The following ACOT2 variants were observed in gnomAD, a reference collection of about 807,000 sequenced individuals.
ACOT2 encodes the protein acyl-CoA thioesterase 2.
In ACOT2, 15 loss-of-function variants were observed where a neutral mutation model predicts 20.1. That is an observed-to-expected ratio of 0.75 (90% CI 0.50 to 1.15). The LOEUF (loss-of-function observed/expected upper bound fraction) is 1.15, where lower values mean the gene tolerates loss of function less well. Among genes scored for constraint, ACOT2 ranks in the 50% most tolerant of loss-of-function variants. ACOT2 has a pLI of 0.00. For missense variants in ACOT2, 479 were observed against 615.3 expected (o/e 0.78, Z 2.34); for synonymous variants, 252 against 268.4 (o/e 0.94, Z 0.60).
At chr14:73,568,208 T>C (rs1889638810), upstream of ACOT2, 1 of 152,054 alleles carries the variant, frequency 6.6e-6, no homozygotes, top group East Asian at 1.9e-4. Context: ...AAGGCTTACC[T>C]TGAGGACAGC....
rs1889775469 is a variant in ACOT2 at position 73,572,487 on chromosome 14, G to C, written c.644-901G>C. Among the ~76,000 whole-genome samples the C allele has an allele frequency of 2.0e-5, 3 of 151,718 alleles. No individual in the cohort carries two copies. The South Asian group carries it at 6.3e-4, about 32-fold the overall frequency. ...TAAAATATTAAGGTACATAATCTAA[G>C]TGGTAATACTATGAAGAAAACCAAG... On this transcript the variant is annotated intron_variant, in intron 1 of 2. Coordinates refer to ENST00000238651, the MANE Select transcript of ACOT2 (RefSeq NM_006821.6).
At chr14:73,570,676 C>T (rs946965891) in intron 1 of ACOT2, among the ~76,000 whole-genome samples, 4 of 151,868 alleles carry the variant, frequency 2.6e-5, no homozygotes, top group East Asian at 3.9e-4. Context: ...AGGCCGAGGC[C>T]GGCGGATCAC....
Position 73,570,523 on chromosome 14 carries a change from C to T in ACOT2, c.643+640C>T, listed in dbSNP as rs1356464770. ...GGCAGAGTTTGTAGTGAGCTGAGAT[C>T]GCGCCACTGCACTCCAGCCTGGGCG... On this transcript the variant is annotated intron_variant, in intron 1 of 2. Coordinates refer to ENST00000238651, the MANE Select transcript of ACOT2 (RefSeq NM_006821.6). 3.3e-5 allele frequency among the ~76,000 whole-genome samples: 5 copies of T among 151,686 alleles called. 1 individual carries two copies. Among genetic ancestry groups the T allele is most frequent in the Admixed American group, 6.6e-5 (1 of 15,224 alleles).
chr14:73,569,952 C>T (rs571339168), intron 1 of ACOT2, 69 bp downstream of exon 1: 2 of 1,514,852 alleles, frequency 1.3e-6, no homozygotes, highest in African/African-American at 1.4e-5. Flanking sequence ...CCGCCCCACG[C>T]TTTTCGCTTA....
intron 1 of ACOT2, 41 bp from the exon 2 acceptor site, chr14:73,573,347 G>A: frequency 3.1e-6 from 5 of 1,612,560 alleles, no homozygotes; most frequent in Non-Finnish European, 4.2e-6. Flanking sequence ...AACTGTTTCA[G>A]GAATAGCTTA....
intron 1 of ACOT2, chr14:73,571,149 C>G (rs1238531583): frequency 6.6e-6 from 1 of 151,984 alleles, no homozygotes; most frequent in Non-Finnish European, 1.5e-5. Flanking sequence ...GTTCCTGCTG[C>G]CTAGCTCCCC....
At chr14:73,571,022 A>C (rs1312186720) in intron 1 of ACOT2, 1 of 134,984 alleles carries the variant, frequency 7.4e-6, no homozygotes, top group South Asian at 2.3e-4. Context: ...TTCTCACTGT[A>C]TTTCCATGGC....
At chr14:73,568,067 T>G (rs1415054814), upstream of ACOT2, 1 of 152,154 alleles carries the variant, frequency 6.6e-6, no homozygotes, top group Non-Finnish European at 1.5e-5. Context: ...AGACACAGAA[T>G]TATTTGCCTT....
chr14:73,568,242 C>G (rs1407471037), upstream of ACOT2: 1 of 151,890 alleles, frequency 6.6e-6, no homozygotes, highest in Non-Finnish European at 1.5e-5. Flanking sequence ...GAGGCAAACA[C>G]AGGTTTTGTG....
In ACOT2 at chr14:73,569,510, G is replaced by A; in HGVS notation, c.270G>A (p.Pro90=). The change falls in exon 1 of 3, where the codon CCG becomes CCA. Residue 90 remains proline, a synonymous_variant. Transcript: ENST00000238651. Reference sequence around the variant, plus strand: ...GAATCGCCGTGCGCGGCCTAGCCCCGGAGCAGCCGGTCACGCTGCGCGCGT... The same window carrying A: ...GAATCGCCGTGCGCGGCCTAGCCCCAGAGCAGCCGGTCACGCTGCGCGCGT... ...PVRIAVRGLA[P]EQPVTLRASL... is the part of the protein sequence containing the mutation. The A allele has an allele frequency of 6.2e-7, 1 of 1,609,592 alleles. No individual in the cohort carries two copies. The highest frequency in any genetic ancestry group is 8.5e-7 in the Non-Finnish European group (1 of 1,178,490).
upstream of ACOT2, chr14:73,568,260 A>G (rs1327358228): frequency 2.0e-5 from 3 of 152,066 alleles, no homozygotes; most frequent in Admixed American, 2.0e-4. Flanking sequence ...GTGGGTTTGA[A>G]GCCTACACAT....
At chr14:73,573,741 T>C in intron 2 of ACOT2, 151 bp downstream of exon 2, 1 of 1,017,166 alleles carries the variant, frequency 9.8e-7, no homozygotes, top group South Asian at 1.6e-5. Context: ...ACAGTTTCTT[T>C]TTTTGAGATG....
At chr14:73,567,645 T>C (rs1889629924), upstream of ACOT2, 1 of 152,062 alleles carries the variant, frequency 6.6e-6, no homozygotes, top group African/African-American at 2.4e-5. Flanking sequence ...CGCTCCAGGC[T>C]GATGGAAGCT....
rs368720455 is a variant in ACOT2 at position 73,573,483 on chromosome 14, G to C, written c.739G>C (p.Val247Leu). 7.4e-6 allele frequency: 12 copies of C among 1,613,748 alleles called. No homozygotes were observed. In the Admixed American group the frequency reaches 1.2e-4, roughly 16 times the overall value. ...TCTGCTGGCTGGGAAGGGTTTTGCTGTGATGGCTCTGGCTTATTATAACTA... is the reference window on the plus strand; with the variant it reads ...TCTGCTGGCTGGGAAGGGTTTTGCTCTGATGGCTCTGGCTTATTATAACTA... ...ASLLAGKGFA[V>L]MALAYYNYED... Residue 247 changes from valine to leucine, a missense_variant, in exon 2 of 3, where the codon GTG (valine) becomes CTG (leucine). By Grantham distance (32) the Val-to-Leu change is conservative. Around this residue, in one of 4 missense-constraint regions of ACOT2, gnomAD observed 400 missense variants for 395.5 expected, o/e 1.01. Transcript: ENST00000238651.
chr14:73,575,510 G>A lies in ACOT2; in HGVS notation c.1449G>A (p.Val483=), dbSNP rs772615068. 3 of 1,508,886 alleles carry A rather than the reference G, an allele frequency of 2.0e-6. No homozygotes were observed. The highest frequency in any genetic ancestry group is 2.7e-6 in the Non-Finnish European group (3 of 1,131,660). The allele number at this position is 1,508,886 out of a possible 1,614,324, so 93.5% of individuals were successfully genotyped here. A position where few individuals can be genotyped will look rare whatever the true frequency, so the allele number is the denominator to read the frequency against. ...GGHEGTIPSK[V] is the part of the protein sequence containing the mutation. ...ACGAGGGGACAATCCCATCAAAAGT[G>A]TAAATTTTATTTGATCATGTGGCCT... is the stretch of plus-strand genomic sequence containing the variant. The change falls in exon 3 of 3, where the codon GTG becomes GTA. Residue 483 remains valine (V), a synonymous_variant. Coordinates refer to ENST00000238651, the MANE Select transcript of ACOT2 (RefSeq NM_006821.6).
At chr14:73,574,815 T>A in intron 2 of ACOT2, 93 bp from the exon 3 acceptor site, 1 of 1,594,434 alleles carries the variant, frequency 6.3e-7, no homozygotes, top group Non-Finnish European at 8.6e-7. Context: ...AGATTCAGAC[T>A]CAGGTTCAAC....
At chr14:73,568,693 G>A (rs1889647417), upstream of ACOT2, among the ~76,000 whole-genome samples, 2 of 152,018 alleles carry the variant, frequency 1.3e-5, no homozygotes, top group Admixed American at 6.6e-5. Flanking sequence ...GCTGAGGCGG[G>A]CGGATTACAA....
At chr14:73,574,524 A>G (rs1034646147) in intron 2 of ACOT2, 2 of 375,872 alleles carry the variant, frequency 5.3e-6, no homozygotes, top group Non-Finnish European at 9.9e-6. Context: ...CAGCCTCCCA[A>G]ACTGTTGGGA....
In ACOT2 at chr14:73,573,485, G is replaced by A; in HGVS notation, c.741G>A (p.Val247=). Residue 247 remains valine, a synonymous_variant, in exon 2 of 3, where the codon GTG becomes GTA. Coordinates refer to ENST00000238651, the MANE Select transcript of ACOT2 (RefSeq NM_006821.6). The part of the protein sequence containing the change: ...ASLLAGKGFA[V]MALAYYNYED... Reference sequence around the variant, plus strand: ...TGCTGGCTGGGAAGGGTTTTGCTGTGATGGCTCTGGCTTATTATAACTATG... The same window carrying A: ...TGCTGGCTGGGAAGGGTTTTGCTGTAATGGCTCTGGCTTATTATAACTATG... 1 of 1,613,706 alleles carries A rather than the reference G, an allele frequency of 6.2e-7. No homozygotes were observed. Among genetic ancestry groups the A allele is most frequent in the African/African-American group, 1.3e-5 (1 of 75,002 alleles).
Sources: allele counts gnomAD v4.1 joint callset (sites outside exome capture counted in the v4.1 genomes callset), GRCh38; gene constraint gnomAD v4.1.1; regional missense constraint gnomAD v4.1.1; transcripts MANE v1.5; gene names NCBI Gene and HGNC (gene_info 2026-07-23, HGNC 2026-07-21).